The following ARF4 variants were observed in gnomAD, a reference collection of about 807,000 sequenced individuals.
ARF4 encodes the protein ADP-ribosylation factor 4.
Under a neutral mutation model 24.3 loss-of-function variants are expected in ARF4, and 5 were observed. The observed-to-expected ratio is 0.21, with a 90% confidence interval of 0.11 to 0.43. The LOEUF (loss-of-function observed/expected upper bound fraction) is 0.43. Among genes scored for constraint, ARF4 ranks in the 20% least tolerant of loss-of-function variants. The probability of loss-of-function intolerance (pLI) is 1.00; values close to 1 mark genes in which losing one functional copy is unlikely to be tolerated. For synonymous variants in ARF4, 62 were observed against 73.5 expected (o/e 0.84, Z 0.80); for missense variants, 107 against 213.0 (o/e 0.50, Z 3.10).
intron 1 of ARF4, among the ~76,000 whole-genome samples, chr3:57,589,327 C>G (rs1173360341): frequency 6.6e-6 from 1 of 152,098 alleles, no homozygotes; most frequent in African/African-American, 2.4e-5. Context: ...ACGTGGGAGG[C>G]TGAGGCAGGA....
chr3:57,594,396 T>C (rs1219349866), intron 1 of ARF4, among the ~76,000 whole-genome samples: 1 of 152,194 alleles, frequency 6.6e-6, no homozygotes, highest in African/African-American at 2.4e-5. Context: ...CCAGAAGCTA[T>C]TGCTTCCTAA....
chr3:57,590,802 C>T (rs1455707754), intron 1 of ARF4, among the ~76,000 whole-genome samples: 1 of 152,086 alleles, frequency 6.6e-6, no homozygotes, highest in Non-Finnish European at 1.5e-5. Flanking sequence ...CCTCAGCCTC[C>T]CTAGTAGCTG....
chr3:57,589,441 C>T (rs117431354), intron 1 of ARF4, among the ~76,000 whole-genome samples: 1 of 151,938 alleles, frequency 6.6e-6, no homozygotes, highest in South Asian at 2.1e-4. Context: ...CAAACAAGGC[C>T]GGGCCCCGTG....
rs1304241825 is a variant in ARF4, at chr3:57,584,660, GACC to G, written c.68-199_68-197del. Among the ~76,000 whole-genome samples the G allele has an allele frequency of 2.0e-5, 3 of 152,222 alleles. No individual in the cohort carries two copies. The South Asian group carries it at 6.2e-4, about 32-fold the overall frequency. On this transcript the variant is annotated intron_variant, in intron 1 of 5. Coordinates refer to ENST00000303436, the MANE Select transcript of ARF4 (RefSeq NM_001660.4). ...GAAAGCCTTTCCATTCTGCTTTCTA[GACC>G]AAGAGAGACAGCATGTACTAGTAAA...
intron 1 of ARF4, among the ~76,000 whole-genome samples, chr3:57,596,271 TCA>T (rs2070181258): frequency 6.6e-6 from 1 of 152,230 alleles, no homozygotes; most frequent in Non-Finnish European, 1.5e-5. Context: ...GTCATGATGT[TCA>T]GTTACTTGAA....
intron 3 of ARF4, among the ~76,000 whole-genome samples, chr3:57,582,744 T>TA: frequency 8.2e-6 from 1 of 121,372 alleles, no homozygotes. Context: ...ATATCACACT[T>TA]AAAAAAAATT....
intron 1 of ARF4, among the ~76,000 whole-genome samples, chr3:57,587,460 TTA>T (rs1263405111): frequency 2.0e-5 from 3 of 152,060 alleles, no homozygotes; most frequent in Non-Finnish European, 4.4e-5. Context: ...TTAATAGGTT[TTA>T]TATGTGCTTG....
chr3:57,573,701 C>T (rs2069867375), intron 5 of ARF4, among the ~76,000 whole-genome samples: 1 of 151,878 alleles, frequency 6.6e-6, no homozygotes, highest in Admixed American at 6.6e-5. Flanking sequence ...GTGCCTTCAG[C>T]CTCCCAAGTA....
intron 1 of ARF4, among the ~76,000 whole-genome samples, chr3:57,585,399 G>A (rs895200858): frequency 1.1e-4 from 16 of 151,956 alleles, no homozygotes; most frequent in Admixed American, 1.0e-3. Context: ...GATAATAAAG[G>A]AAGATGAAGC....
At chr3:57,580,899 C>CA (rs1454789615) in intron 3 of ARF4, among the ~76,000 whole-genome samples, 2 of 152,058 alleles carry the variant, frequency 1.3e-5, no homozygotes, top group Admixed American at 6.6e-5. Flanking sequence ...AGGCATAAGC[C>CA]ACTGCACCCA....
At chr3:57,582,309 C>G (rs1325476865) in intron 3 of ARF4, among the ~76,000 whole-genome samples, 1 of 149,440 alleles carries the variant, frequency 6.7e-6, no homozygotes, top group African/African-American at 2.5e-5. Context: ...ATGGTGTGAT[C>G]TCGGCTCATC....
intron 1 of ARF4, among the ~76,000 whole-genome samples, chr3:57,588,991 A>G (rs2070071263): frequency 6.6e-6 from 1 of 151,450 alleles, no homozygotes; most frequent in African/African-American, 2.4e-5. Flanking sequence ...AATCCCAGCT[A>G]CTCGGGAGGC....
chr3:57,583,673 C>A (rs867807759), intron 3 of ARF4, among the ~76,000 whole-genome samples: 17 of 152,112 alleles, frequency 1.1e-4, no homozygotes, highest in Admixed American at 3.9e-4. Context: ...CCAGCACCCA[C>A]CCCATCTTCC....
At chr3:57,593,649 A>G (rs1165549192) in intron 1 of ARF4, among the ~76,000 whole-genome samples, 2 of 152,242 alleles carry the variant, frequency 1.3e-5, no homozygotes, top group African/African-American at 2.4e-5. Context: ...CCTCTGCAGA[A>G]CACATTAGTA....
chr3:57,593,796 G>C (rs1272085237), intron 1 of ARF4, among the ~76,000 whole-genome samples: 2 of 152,064 alleles, frequency 1.3e-5, no homozygotes, highest in Non-Finnish European at 2.9e-5. Flanking sequence ...AGCACTTTTC[G>C]AGGCCGAGGT....
In ARF4 at chr3:57,571,688, AGTC is replaced by A. The variant is rs2069844374; in HGVS notation, c.*521_*523del. On this transcript the variant is annotated 3_prime_UTR_variant, in exon 6 of 6. Transcript: ENST00000303436. ...TTAAGTTTGGCTGATGTAGGCCAGG[AGTC>A]AATGTAGGGGGAAAAATTTCCTCAG... 6.5e-6 allele frequency: 1 copy of A among 153,038 alleles called. No individual in the cohort carries two copies. Among genetic ancestry groups the A allele is most frequent in the African/African-American group, 2.4e-5 (1 of 41,468 alleles). The allele number at this position is 153,038 out of a possible 1,614,324, so 9.5% of individuals were successfully genotyped here.
At chr3:57,591,027 T>C (rs888076963) in intron 1 of ARF4, among the ~76,000 whole-genome samples, 1 of 152,218 alleles carries the variant, frequency 6.6e-6, no homozygotes, top group African/African-American at 2.4e-5. Context: ...AGACATTTAA[T>C]GTCCAGAAAT....
chr3:57,580,789 T>A (rs1265428939), intron 3 of ARF4, among the ~76,000 whole-genome samples: 3 of 150,386 alleles, frequency 2.0e-5, no homozygotes, highest in East Asian at 3.9e-4. Context: ...TTTTTTTTTT[T>A]AAATGTAAAG....
chr3:57,572,566 A>G (rs368505533), intron 5 of ARF4, among the ~76,000 whole-genome samples: 2 of 152,068 alleles, frequency 1.3e-5, no homozygotes, highest in East Asian at 1.9e-4. Flanking sequence ...ACTTTTTTAG[A>G]TTAAATTATT....
Sources: gnomAD v4.1 joint callset for allele counts (sites outside exome capture counted in the v4.1 genomes callset) on GRCh38, gnomAD v4.1.1 for gene constraint, MANE v1.5 for transcripts, NCBI Gene and HGNC (gene_info 2026-07-23, HGNC 2026-07-21) for gene names.